TMEFF2: variants seen among roughly 807,000 people sequenced by gnomAD.
TMEFF2 encodes the protein tomoregulin-2.
A neutral mutation model predicts 53.8 loss-of-function variants in TMEFF2; 28 were observed. The observed-to-expected ratio is 0.52, with a 90% CI of 0.39 to 0.71. The LOEUF is 0.71. Among genes scored for constraint, TMEFF2 ranks in the 30% least tolerant of loss-of-function variants. The probability of loss-of-function intolerance (pLI) is 0.00; values close to 1 mark genes in which losing one functional copy is unlikely to be tolerated. For synonymous variants in TMEFF2, 162 were observed against 166.3 expected, an observed-to-expected ratio of 0.97 and a Z score of 0.20; for missense variants, 353 against 455.2, an observed-to-expected ratio of 0.78 and a Z score of 2.04.
intron 4 of TMEFF2, among the ~76,000 whole-genome samples, 158 bp from the exon 5 acceptor site, chr2:192,057,933 A>T (rs2105903723): frequency 6.6e-6 from 1 of 152,280 alleles, no homozygotes; most frequent in East Asian, 1.9e-4. Context: ...TTTTCCTCCA[A>T]TTTAAAGACA....
In TMEFF2 at chr2:191,985,509, A is replaced by G. The variant is rs760807785; in HGVS notation, c.745+12753T>C. Among the ~76,000 whole-genome samples, 24 of 152,290 alleles carry G rather than the reference A, an allele frequency of 1.6e-4. 1 individual carries two copies. Among genetic ancestry groups the G allele is most frequent in the Non-Finnish European group, 1.8e-4 (12 of 68,016 alleles). On this transcript the variant is annotated intron_variant, in intron 7 of 9. Coordinates refer to ENST00000272771, the MANE Select transcript of TMEFF2 (RefSeq NM_016192.4). ...AAACAAAACAACTGTTCCATCTTTC[A>G]GAGATAGTCTGTTTTCACAAGACAT...
At chr2:192,007,401 G>C (rs1686523981) in intron 5 of TMEFF2, among the ~76,000 whole-genome samples, 1 of 152,170 alleles carries the variant, frequency 6.6e-6, no homozygotes, top group East Asian at 1.9e-4. Context: ...AGACTCTTTT[G>C]TTTAATGCTC....
intron 4 of TMEFF2, among the ~76,000 whole-genome samples, chr2:192,168,828 T>C (rs570444246): frequency 6.6e-6 from 1 of 152,206 alleles, no homozygotes; most frequent in East Asian, 1.9e-4. Context: ...TTTTTAAATT[T>C]TATTTTTTTG....
At chr2:192,153,981 CA>C in intron 4 of TMEFF2, among the ~76,000 whole-genome samples, 1 of 151,910 alleles carries the variant, frequency 6.6e-6, no homozygotes, top group South Asian at 2.1e-4. Context: ...GAATACAAAA[CA>C]GTGCTTGTAT....
chr2:192,037,635 GAGAGAGAA>G (rs1485515033), intron 5 of TMEFF2, among the ~76,000 whole-genome samples: 87 of 23,226 alleles, frequency 3.7e-3, no homozygotes, highest in African/African-American at 5.6e-3. Flanking sequence ...AGGAGAGAAA[GAGAGAGAA>G]AGAGAGAGAG....
At chr2:192,037,336 A>AG (rs1553515677) in intron 5 of TMEFF2, among the ~76,000 whole-genome samples, 82 of 150,688 alleles carry the variant, frequency 5.4e-4, no homozygotes, top group East Asian at 1.7e-3. Flanking sequence ...AAAGAAAGAA[A>AG]AACAGAAAAC....
At chr2:192,166,793 T>C (rs1310215977) in intron 4 of TMEFF2, among the ~76,000 whole-genome samples, 1 of 152,170 alleles carries the variant, frequency 6.6e-6, no homozygotes, top group Non-Finnish European at 1.5e-5. Flanking sequence ...ATTTTAATAT[T>C]ATTGCTTAAG....
intron 8 of TMEFF2, among the ~76,000 whole-genome samples, chr2:191,954,829 T>C (rs547966291): frequency 2.6e-5 from 4 of 152,244 alleles, no homozygotes; most frequent in East Asian, 3.9e-4. Context: ...ACAATCTACA[T>C]AGGAAAATTA....
intron 3 of TMEFF2, among the ~76,000 whole-genome samples, chr2:192,181,148 C>T (rs1691175102): frequency 1.3e-5 from 2 of 151,654 alleles, no homozygotes; most frequent in African/African-American, 2.4e-5. Context: ...ATATTCCTAC[C>T]AACTAAACTG....
intron 4 of TMEFF2, among the ~76,000 whole-genome samples, chr2:192,088,769 G>A (rs1263331614): frequency 6.6e-6 from 1 of 151,886 alleles, no homozygotes; most frequent in East Asian, 1.9e-4. Context: ...ATCCCTAAAT[G>A]TCCAAAGCCT....
At chr2:192,002,632 C>G (rs1372889901) in intron 5 of TMEFF2, among the ~76,000 whole-genome samples, 1 of 152,060 alleles carries the variant, frequency 6.6e-6, no homozygotes, top group African/African-American at 2.4e-5. Context: ...CAGTTGGAGA[C>G]CAGCCTGGCC....
intron 4 of TMEFF2, among the ~76,000 whole-genome samples, chr2:192,171,335 G>T (rs966828342): frequency 1.1e-4 from 16 of 151,940 alleles, no homozygotes; most frequent in African/African-American, 3.4e-4. Context: ...CAAGAGAAAA[G>T]AAACTTTATC....
intron 5 of TMEFF2, among the ~76,000 whole-genome samples, chr2:192,033,816 G>A (rs1440533037): frequency 6.6e-6 from 1 of 152,100 alleles, no homozygotes; most frequent in Non-Finnish European, 1.5e-5. Context: ...AAGGCCTTTT[G>A]TTAGTGAGAA....
chr2:192,107,443 T>C (rs1689174805), intron 4 of TMEFF2, among the ~76,000 whole-genome samples: 1 of 151,740 alleles, frequency 6.6e-6, no homozygotes. Flanking sequence ...GATTCTTAAA[T>C]TTACCAAGGA....
chr2:192,012,637 AT>A (rs911921284), intron 5 of TMEFF2, among the ~76,000 whole-genome samples: 1 of 152,086 alleles, frequency 6.6e-6, no homozygotes, highest in Non-Finnish European at 1.5e-5. Flanking sequence ...CTAATTTAGG[AT>A]TTTTTTTCCT....
intron 4 of TMEFF2, among the ~76,000 whole-genome samples, chr2:192,061,999 A>C (rs1457230201): frequency 6.6e-6 from 1 of 152,134 alleles, no homozygotes; most frequent in Admixed American, 6.6e-5. Flanking sequence ...AGTCAGAATA[A>C]ACTTTTTTTC....
At chr2:192,090,851 T>C (rs972896373) in intron 4 of TMEFF2, among the ~76,000 whole-genome samples, 1 of 152,090 alleles carries the variant, frequency 6.6e-6, no homozygotes, top group Non-Finnish European at 1.5e-5. Flanking sequence ...TAGTTATATG[T>C]GGATTTTTTA....
chr2:192,019,124 G>A (rs750281185), intron 5 of TMEFF2, among the ~76,000 whole-genome samples: 6 of 151,984 alleles, frequency 3.9e-5, no homozygotes, highest in Admixed American at 6.6e-5. Flanking sequence ...CTATTAGACT[G>A]CCACTATCGC....
chr2:192,115,338 A>G (rs1311689910), intron 4 of TMEFF2, among the ~76,000 whole-genome samples: 1 of 151,998 alleles, frequency 6.6e-6, no homozygotes, highest in Non-Finnish European at 1.5e-5. Context: ...AAAATGGATT[A>G]AAGACTTAGA....
Sources: gnomAD v4.1 joint callset for allele counts (sites outside exome capture counted in the v4.1 genomes callset) on GRCh38, gnomAD v4.1.1 for gene constraint, MANE v1.5 for transcripts, NCBI Gene and HGNC (gene_info 2026-07-23, HGNC 2026-07-21) for gene names.